PAN2: variants seen among roughly 807,000 people sequenced by gnomAD.
The protein encoded by PAN2 is poly(A) specific ribonuclease subunit PAN2.
A neutral mutation model predicts 133.3 loss-of-function variants in PAN2; 68 were observed. The ratio of observed to expected loss-of-function variants is 0.51; its 90% CI spans 0.42 to 0.62. PAN2 has a LOEUF of 0.62. Among genes scored for constraint, PAN2 ranks in the 20% least tolerant of loss-of-function variants. The pLI is 0.00. For missense variants in PAN2, 1,042 were observed against 1,500.5 expected (o/e 0.69, Z 5.05); for synonymous variants, 462 against 544.6 (o/e 0.85, Z 2.11).
intron 25 of PAN2, 134 bp downstream of exon 25, chr12:56,318,102 AG>A (rs1198763282): frequency 7.1e-5 from 51 of 713,602 alleles, no homozygotes; most frequent in Admixed American, 1.2e-4. Flanking sequence ...ACTTGAGCCC[AG>A]GAAGTCGAGG....
chr12:56,324,537 C>A, intron 11 of PAN2, 44 bp from the exon 12 acceptor site: 1 of 1,612,034 alleles, frequency 6.2e-7, no homozygotes, highest in South Asian at 1.1e-5. Flanking sequence ...TCTTTTGTGT[C>A]CACCTTCCTT....
At chr12:56,320,363 C>T (rs750204013) in intron 20 of PAN2, among the ~76,000 whole-genome samples, 4 of 152,196 alleles carry the variant, frequency 2.6e-5, no homozygotes, top group Admixed American at 2.0e-4. Context: ...CATAGCCAGG[C>T]GCGGTGGCTA....
chr12:56,325,605 G>A (rs917761251), intron 8 of PAN2, 151 bp from the exon 9 acceptor site: 14 of 831,616 alleles, frequency 1.7e-5, no homozygotes, highest in Admixed American at 1.2e-4. Context: ...TATTTCCACT[G>A]CCATCACTCT....
intron 20 of PAN2, among the ~76,000 whole-genome samples, chr12:56,320,595 G>T (rs1019839604): frequency 6.6e-6 from 1 of 150,536 alleles, no homozygotes; most frequent in African/African-American, 2.4e-5. Context: ...AGTGAGCTGA[G>T]ATCATGCCAT....
Position 56,320,141 on chromosome 12 carries a change from C to T in PAN2, c.2789-120G>A, listed in dbSNP as rs1049912994. 1.7e-4 allele frequency: 153 copies of T among 875,690 alleles called. No individual in the cohort carries two copies. The Middle Eastern group carries it at 3.9e-3, about 22-fold the overall frequency. The allele number at this position is 875,690 out of a possible 1,614,324, so 54.2% of individuals were successfully genotyped here. On this transcript the variant is annotated intron_variant, in intron 20 of 25. Coordinates refer to ENST00000440411, the MANE Select transcript of PAN2 (RefSeq NM_014871.6). Reference sequence around the variant, plus strand: ...CTGTGATCCCTCAATAATCAAAGCACGTGAGAAAAAAGATCATGTCTGATA... The same window carrying T: ...CTGTGATCCCTCAATAATCAAAGCATGTGAGAAAAAAGATCATGTCTGATA...
rs760612553 is a variant in PAN2, at chr12:56,324,536, T to C, written c.1729-43A>G. 6 of 1,612,230 alleles carry C rather than the reference T, an allele frequency of 3.7e-6. No individual in the cohort carries two copies. In the South Asian group the frequency reaches 6.6e-5, roughly 18 times the overall value. ...GAAAGGGGTTATTTTGTCTTTTGTG[T>C]CCACCTTCCTTCCCCTTCCATTTTA... On this transcript the variant is annotated intron_variant, in intron 11 of 25. Transcript: ENST00000440411.
chr12:56,332,011 C>T (rs546677270), intron 2 of PAN2, among the ~76,000 whole-genome samples: 1 of 152,256 alleles, frequency 6.6e-6, no homozygotes, highest in Non-Finnish European at 1.5e-5. Flanking sequence ...CCGGTCCCGG[C>T]CGGACAGCAC....
intron 8 of PAN2, 67 bp from the exon 9 acceptor site, chr12:56,325,521 C>A: frequency 1.3e-6 from 2 of 1,578,718 alleles, no homozygotes; most frequent in South Asian, 1.1e-5. Context: ...ACTCATTTAT[C>A]CCAACATTGA....
At chr12:56,322,009 T>C (rs1223432741) in intron 20 of PAN2, 69 bp downstream of exon 20, 48 of 756,430 alleles carry the variant, frequency 6.3e-5, no homozygotes, top group Non-Finnish European at 9.5e-5. Context: ...TTGCAAGCAA[T>C]GTCCCAGATC....
Position 56,332,932 on chromosome 12 carries a change from C to T in PAN2, c.163G>A (p.Val55Met). The T allele has an allele frequency of 1.2e-6, 2 of 1,614,190 alleles. No homozygotes were observed. Among genetic ancestry groups the T allele is most frequent in the South Asian group, 1.1e-5 (1 of 91,086 alleles). Reference protein sequence around the residue: ...ALEALPVQESVHIMEGVYSEL... With the variant: ...ALEALPVQESMHIMEGVYSEL... ...GAGTAGACACCTTCCATTATGTGCACTGATTCCTGGACGGGAAGAGCCTCC... is the reference window on the plus strand; with the variant it reads ...GAGTAGACACCTTCCATTATGTGCATTGATTCCTGGACGGGAAGAGCCTCC... The change falls in exon 2 of 26, where the codon GTG becomes ATG. Residue 55 changes from valine (V) to methionine (M), a missense_variant. Val to Met is a conservative substitution (Grantham distance 21). Coordinates refer to ENST00000440411, the MANE Select transcript of PAN2 (RefSeq NM_014871.6).
chr12:56,327,473 A>T lies in PAN2; in HGVS notation c.810T>A (p.Tyr270Ter). ...TGATGGCACGCATCATGCGCAAATC[A>T]TACACCTTGAGGAAACGGTCGCAGG... ...GLACDRFLKVYDLRMMRAITP... is the reference protein window; with the variant it reads ...GLACDRFLKV The change falls in exon 6 of 26, where the codon TAT (tyrosine) becomes TAA (stop). Residue 270 changes from tyrosine to a stop codon, truncating the protein, a stop_gained. Transcript: ENST00000440411. LOFTEE classifies it high-confidence loss of function. 1 of 1,614,236 alleles carries T rather than the reference A, an allele frequency of 6.2e-7. No homozygotes were observed. Among genetic ancestry groups the T allele is most frequent in the African/African-American group, 1.3e-5 (1 of 75,064 alleles).
chr12:56,324,961 A>C, intron 10 of PAN2, 48 bp downstream of exon 10: 1 of 1,605,214 alleles, frequency 6.2e-7, no homozygotes, highest in Non-Finnish European at 8.5e-7. Context: ...CATAGGGAAG[A>C]AGAAAAGCAG....
chr12:56,320,417 C>G (rs989746219), intron 20 of PAN2, among the ~76,000 whole-genome samples: 15 of 152,282 alleles, frequency 9.9e-5, no homozygotes, highest in African/African-American at 3.4e-4. Context: ...GCGGGCGGAT[C>G]ACCTGAGGTC....
intron 20 of PAN2, among the ~76,000 whole-genome samples, chr12:56,320,463 C>A (rs959020387): frequency 6.6e-6 from 1 of 151,936 alleles, no homozygotes; most frequent in African/African-American, 2.4e-5. Context: ...CATGGTGAAA[C>A]CCCGTCTCTA....
intron 17 of PAN2, 95 bp from the exon 18 acceptor site, chr12:56,322,853 T>TGGACTGGGTTTTGGGGTTTTGGGGTTG: frequency 1.4e-6 from 1 of 738,748 alleles, no homozygotes; most frequent in African/African-American, 1.9e-5. Flanking sequence ...GTATGGGGGA[T>TGGACTGGGTTTTGGGGTTTTGGGGTTG]GGGGGACCAG....
At position 56,319,112 on chromosome 12, in the gene PAN2, G is replaced by A. The variant is rs747912929; in HGVS notation, c.3340C>T (p.Arg1114Ter). The A allele has an allele frequency of 2.5e-6, 4 of 1,614,022 alleles. No homozygotes were observed. The highest frequency in any genetic ancestry group is 1.7e-5 in the Admixed American group (1 of 60,002). Residue 1114 changes from arginine (R) to a stop codon, truncating the protein, a stop_gained, in exon 24 of 26, where the codon CGA becomes TGA. Transcript: ENST00000440411. LOFTEE classifies it high-confidence loss of function. This position sits in a 1 kb window ranked among gnomAD's most constrained non-coding sequence, Gnocchi z 5.4. ...HMPRKRMISL[R>*]FLAWYFLDLK... Reference sequence around the variant, plus strand: ...CCCAGAAAGTACCAAGCAAGGAATCGCAGGGAAATCATTCGTTTTCGGGGC... The same window carrying A: ...CCCAGAAAGTACCAAGCAAGGAATCACAGGGAAATCATTCGTTTTCGGGGC...
chr12:56,321,139 C>T (rs1196260677), intron 20 of PAN2, among the ~76,000 whole-genome samples: 1 of 151,818 alleles, frequency 6.6e-6, no homozygotes, highest in Non-Finnish European at 1.5e-5. Context: ...TCACTCACTG[C>T]AGCCTTGACC....
Position 56,319,190 on chromosome 12 carries a change from G to T in PAN2, c.3271-9C>A. ...ACTTGGTCCTTGGGCACCTGGCAAG[G>T]ATAAAAGAGGGGGAGACTTAAGGTA... On this transcript the variant is annotated splice_polypyrimidine_tract_variant and intron_variant, in intron 23 of 25. Transcript: ENST00000440411. The surrounding 1 kb of genome is among the most constrained non-coding windows in gnomAD (Gnocchi z 5.4). 2 of 1,614,082 alleles carry T rather than the reference G, an allele frequency of 1.2e-6. No individual in the cohort carries two copies. The highest frequency in any genetic ancestry group is 1.7e-6 in the Non-Finnish European group (2 of 1,179,988).
At position 56,324,581 on chromosome 12, in the gene PAN2, C is replaced by A; in HGVS notation, c.1728G>T (p.Gln576His). ...ATTTTAAGTGTCTCCAAGTACTGACCTGGCAAGGGTCACCACGAGAGAGGT... is the reference window on the plus strand; with the variant it reads ...ATTTTAAGTGTCTCCAAGTACTGACATGGCAAGGGTCACCACGAGAGAGGT... ...MLDLSRGDPC[Q>H]GNNFLRAFRT... is the part of the protein sequence containing the mutation. The change falls in exon 11 of 26, where the codon CAG becomes CAT. Residue 576 changes from glutamine (Q) to histidine (H), a missense_variant and splice_region_variant. Coordinates refer to ENST00000440411, the MANE Select transcript of PAN2 (RefSeq NM_014871.6). The A allele has an allele frequency of 6.2e-7, 1 of 1,613,726 alleles. No individual in the cohort carries two copies. The highest frequency in any genetic ancestry group is 8.5e-7 in the Non-Finnish European group (1 of 1,179,822).
Sources: allele counts gnomAD v4.1 joint callset (sites outside exome capture counted in the v4.1 genomes callset), GRCh38; gene constraint gnomAD v4.1.1; non-coding constraint Gnocchi (gnomAD v3.1); transcripts MANE v1.5; gene names NCBI Gene and HGNC (gene_info 2026-07-23, HGNC 2026-07-21).